Variants in MARCHF5 observed in about 807,000 individuals in gnomAD.
The protein encoded by MARCHF5 is E3 ubiquitin-protein ligase MARCHF5.
A neutral mutation model predicts 36.5 loss-of-function variants in MARCHF5; 5 were observed. The ratio of observed to expected loss-of-function variants is 0.14; its 90% CI spans 0.07 to 0.29. The LOEUF is 0.29. Ranked by LOEUF, MARCHF5 falls within the 10% of genes least tolerant of loss-of-function variation. MARCHF5 has a pLI of 1.00. For missense variants in MARCHF5, 179 were observed against 336.3 expected (o/e 0.53, Z 3.66); for synonymous variants, 103 against 109.9 (o/e 0.94, Z 0.39).
chr10:92,300,279 A>C (rs1842997573), intron 1 of MARCHF5, among the ~76,000 whole-genome samples: 1 of 151,972 alleles, frequency 6.6e-6, no homozygotes, highest in East Asian at 1.9e-4. Flanking sequence ...CAAGAGTTTG[A>C]GACCAGCGTG....
At chr10:92,329,617 A>G (rs771034107) in intron 2 of MARCHF5, among the ~76,000 whole-genome samples, 3 of 152,156 alleles carry the variant, frequency 2.0e-5, no homozygotes, top group Non-Finnish European at 2.9e-5. Flanking sequence ...GGTTTATTTC[A>G]CTACCTAAAA....
intron 2 of MARCHF5, among the ~76,000 whole-genome samples, chr10:92,335,103 G>A (rs1476747561): frequency 2.6e-5 from 4 of 152,028 alleles, no homozygotes; most frequent in Middle Eastern, 3.2e-3. Flanking sequence ...ACTTTCTCAA[G>A]CCCCTATATA....
intron 3 of MARCHF5, among the ~76,000 whole-genome samples, chr10:92,349,083 C>T (rs1843688617): frequency 6.6e-6 from 1 of 152,142 alleles, no homozygotes; most frequent in Admixed American, 6.6e-5. Flanking sequence ...GTCCCCGCCC[C>T]TCTATTGTAA....
chr10:92,293,925 T>C (rs1050023288), intron 1 of MARCHF5, among the ~76,000 whole-genome samples: 2 of 152,208 alleles, frequency 1.3e-5, no homozygotes, highest in Non-Finnish European at 2.9e-5. Context: ...TGACATACCT[T>C]AAGGTAGATT....
chr10:92,343,652 C>G (rs11186931), intron 3 of MARCHF5, among the ~76,000 whole-genome samples: 50,998 of 152,124 alleles, frequency 0.34, 10,751 homozygotes, highest in Middle Eastern at 0.52. Context: ...TCACCGCAAC[C>G]TCCGCTTTCC....
At chr10:92,319,603 C>T (rs1000791500) in intron 2 of MARCHF5, among the ~76,000 whole-genome samples, 2 of 148,892 alleles carry the variant, frequency 1.3e-5, no homozygotes, top group Non-Finnish European at 3.0e-5. Flanking sequence ...CTCTACTTTA[C>T]TTTTTATCAT....
At chr10:92,346,782 C>T (rs1008458904) in intron 3 of MARCHF5, among the ~76,000 whole-genome samples, 2 of 152,018 alleles carry the variant, frequency 1.3e-5, no homozygotes, top group African/African-American at 4.8e-5. Flanking sequence ...AGTGCCCAAC[C>T]CCTACTTCCT....
intron 1 of MARCHF5, among the ~76,000 whole-genome samples, chr10:92,293,909 C>G (rs1421865315): frequency 6.6e-6 from 1 of 152,174 alleles, no homozygotes; most frequent in Non-Finnish European, 1.5e-5. Flanking sequence ...CATCTTTGTA[C>G]TCTTTTGACA....
At position 92,291,256 on chromosome 10, in the gene MARCHF5, C is replaced by G; in HGVS notation, c.-239C>G. 1 of 540,876 alleles carries G rather than the reference C, an allele frequency of 1.8e-6. No individual in the cohort carries two copies. The allele number at this position is 540,876 out of a possible 1,614,324, so 33.5% of individuals were successfully genotyped here. A position where few individuals can be genotyped will look rare whatever the true frequency, so the allele number is the denominator to read the frequency against. On this transcript the variant is annotated 5_prime_UTR_variant, in exon 1 of 6. Transcript: ENST00000358935. ...CGGGCCGACGGACGGGAACCCGGGC[C>G]GCGATCGCCGCCTCCCCGCCTCAGG...
At chr10:92,327,987 A>G (rs773964922) in intron 2 of MARCHF5, among the ~76,000 whole-genome samples, 12 of 152,150 alleles carry the variant, frequency 7.9e-5, no homozygotes, top group Non-Finnish European at 1.5e-4. Flanking sequence ...ATCTGATGCA[A>G]TGAGAATTGC....
intron 1 of MARCHF5, among the ~76,000 whole-genome samples, chr10:92,307,202 TGTGTGTGTGTGCGC>T (rs1564944189): frequency 9.3e-6 from 1 of 107,574 alleles, no homozygotes; most frequent in African/African-American, 3.1e-5. Context: ...TGTGTGTGTG[TGTGTGTGTGTGCGC>T]GTGCATGCAC....
At chr10:92,350,184 T>C in intron 5 of MARCHF5, 1 of 219,698 alleles carries the variant, frequency 4.6e-6, no homozygotes, top group South Asian at 9.0e-5. Flanking sequence ...AAATCAAATG[T>C]CTGGACTTTT....
At chr10:92,328,347 T>TC (rs1843391680) in intron 2 of MARCHF5, among the ~76,000 whole-genome samples, 1 of 151,516 alleles carries the variant, frequency 6.6e-6, no homozygotes, top group African/African-American at 2.4e-5. Context: ...CTTTTTTTTT[T>TC]TTTTTTGCCC....
intron 1 of MARCHF5, among the ~76,000 whole-genome samples, chr10:92,296,201 C>T (rs964336072): frequency 2.2e-4 from 33 of 152,028 alleles, no homozygotes; most frequent in Non-Finnish European, 1.0e-4. Context: ...TTTGGATTGC[C>T]TTTCGTTTTT....
At chr10:92,293,811 C>A (rs1842919355) in intron 1 of MARCHF5, among the ~76,000 whole-genome samples, 1 of 151,928 alleles carries the variant, frequency 6.6e-6, no homozygotes, top group Non-Finnish European at 1.5e-5. Flanking sequence ...GCATTTAAAA[C>A]TTATTAACAG....
chr10:92,326,667 C>T (rs1843364186), intron 2 of MARCHF5, among the ~76,000 whole-genome samples: 1 of 152,106 alleles, frequency 6.6e-6, no homozygotes, highest in South Asian at 2.1e-4. Flanking sequence ...AGCTAGGTGC[C>T]TGCACTAACA....
intron 1 of MARCHF5, among the ~76,000 whole-genome samples, chr10:92,300,508 A>G (rs926087651): frequency 6.6e-6 from 1 of 152,084 alleles, no homozygotes; most frequent in Non-Finnish European, 1.5e-5. Context: ...AAAAAAAAAA[A>G]AGAGATCATA....
chr10:92,302,650 G>A (rs1843030815), intron 1 of MARCHF5, among the ~76,000 whole-genome samples: 1 of 151,976 alleles, frequency 6.6e-6, no homozygotes, highest in South Asian at 2.1e-4. Context: ...CTCTATGTTG[G>A]TCAGGCTGGT....
At chr10:92,291,953 T>C (rs1184440034) in intron 1 of MARCHF5, among the ~76,000 whole-genome samples, 1 of 152,004 alleles carries the variant, frequency 6.6e-6, no homozygotes, top group Non-Finnish European at 1.5e-5. Flanking sequence ...GAACCAATGA[T>C]AAGCATTCTT....
Sources: gnomAD v4.1 joint callset for allele counts (sites outside exome capture counted in the v4.1 genomes callset) on GRCh38, gnomAD v4.1.1 for gene constraint, MANE v1.5 for transcripts, NCBI Gene and HGNC (gene_info 2026-07-23, HGNC 2026-07-21) for gene names.